The following TEX9 variants were observed in gnomAD, a reference collection of about 807,000 sequenced individuals.
TEX9 encodes the protein testis-expressed protein 9.
TEX9 carries 74 observed loss-of-function variants against 59.6 expected under a neutral mutation model. The ratio of observed to expected loss-of-function variants is 1.24; its 90% confidence interval spans 1.03 to 1.51. TEX9 has a LOEUF of 1.51. TEX9 is among the 40% of genes most tolerant of loss of function. TEX9 has a pLI of 0.00. For synonymous variants in TEX9, 186 were observed against 152.2 expected, an observed-to-expected ratio of 1.22 and a Z score of -1.64; for missense variants, 522 against 447.8, an observed-to-expected ratio of 1.17 and a Z score of -1.49.
intron 1 of TEX9, among the ~76,000 whole-genome samples, chr15:56,307,716 T>C (rs1358334009): frequency 1.3e-5 from 2 of 152,200 alleles, no homozygotes; most frequent in Non-Finnish European, 1.5e-5. Flanking sequence ...AACCTCATAC[T>C]CATTAGCATA....
intron 1 of TEX9, among the ~76,000 whole-genome samples, chr15:56,252,379 C>CTTTTTTTTTTTTT (rs3050136): frequency 5.0e-5 from 6 of 119,700 alleles, no homozygotes; most frequent in African/African-American, 1.6e-4. Flanking sequence ...TTAGAAAAAC[C>CTTTTTTTTTTTTT]TTTTTTTTTT....
intron 1 of TEX9, among the ~76,000 whole-genome samples, chr15:56,279,891 A>G (rs1315131075): frequency 6.6e-6 from 1 of 152,244 alleles, no homozygotes; most frequent in African/African-American, 2.4e-5. Flanking sequence ...GCTTTGACTT[A>G]CAAGTTTTCA....
At chr15:56,374,885 T>A (rs1460999638) in intron 3 of TEX9, among the ~76,000 whole-genome samples, 1 of 152,202 alleles carries the variant, frequency 6.6e-6, no homozygotes, top group African/African-American at 2.4e-5. Context: ...GGCCTCATTA[T>A]TTTTTATGGC....
chr15:56,314,493 G>C (rs1332289192), intron 1 of TEX9, among the ~76,000 whole-genome samples: 14 of 138,316 alleles, frequency 1.0e-4, no homozygotes, highest in African/African-American at 3.5e-4. Flanking sequence ...GTTCTAGTTT[G>C]ATTGCACTGT....
At chr15:56,408,644 C>G (rs1469517331) in intron 9 of TEX9, 1 of 141,526 alleles carries the variant, frequency 7.1e-6, no homozygotes, top group Non-Finnish European at 1.5e-5. Context: ...CAAACCTGCT[C>G]TCTTCCTTCT....
chr15:56,392,004 G>A (rs16976893), intron 7 of TEX9, among the ~76,000 whole-genome samples: 4,786 of 151,864 alleles, frequency 0.032, 195 homozygotes, highest in East Asian at 0.094. Flanking sequence ...AAATTTATGA[G>A]GAGCCTCCTA....
chr15:56,284,012 G>A lies in TEX9; in HGVS notation c.-107+39734G>A, dbSNP rs1342088826. Among the ~76,000 whole-genome samples the A allele has an allele frequency of 2.6e-5, 4 of 152,258 alleles. No individual in the cohort carries two copies. The Middle Eastern group carries it at 0.01, about 388-fold the overall frequency. On this transcript the variant is annotated intron_variant, in intron 1 of 5. Transcript: ENST00000560827. ...TGAATTAAACAGATTTTTAACAATC[G>A]ATAGTGCAATGTCTAATATTATTAA...
At chr15:56,249,479 G>A (rs1220319793) in intron 1 of TEX9, among the ~76,000 whole-genome samples, 1 of 151,522 alleles carries the variant, frequency 6.6e-6, no homozygotes, top group African/African-American at 2.4e-5. Context: ...AGAAAGGAGG[G>A]AGGGAGGGAA....
intron 1 of TEX9, among the ~76,000 whole-genome samples, chr15:56,299,232 G>T (rs1443805605): frequency 6.6e-6 from 1 of 152,236 alleles, no homozygotes; most frequent in Non-Finnish European, 1.5e-5. Context: ...GGAGAAGGGA[G>T]AGCATAGTGG....
At chr15:56,382,925 C>G (rs1171967397) in intron 3 of TEX9, among the ~76,000 whole-genome samples, 1 of 152,106 alleles carries the variant, frequency 6.6e-6, no homozygotes, top group Non-Finnish European at 1.5e-5. Flanking sequence ...CAGCCTAGTC[C>G]TCTGGCTCTG....
chr15:56,338,511 T>A (rs1205598880), intron 1 of TEX9, among the ~76,000 whole-genome samples: 8 of 152,206 alleles, frequency 5.3e-5, no homozygotes, highest in African/African-American at 1.9e-4. Context: ...CAGTGATCCC[T>A]TGTATAGTGG....
chr15:56,332,424 T>A (rs2046167883), intron 1 of TEX9, among the ~76,000 whole-genome samples: 1 of 138,840 alleles, frequency 7.2e-6, no homozygotes, highest in Non-Finnish European at 1.5e-5. Context: ...AACAATGAGA[T>A]CACATGGACA....
At chr15:56,330,176 A>G (rs1457828733) in intron 1 of TEX9, among the ~76,000 whole-genome samples, 2 of 152,186 alleles carry the variant, frequency 1.3e-5, no homozygotes, top group African/African-American at 4.8e-5. Flanking sequence ...TAATATATCC[A>G]GTGAAAATAT....
intron 12 of TEX9, among the ~76,000 whole-genome samples, chr15:56,438,688 A>G (rs894408319): frequency 9.2e-5 from 14 of 152,340 alleles, no homozygotes; most frequent in East Asian, 5.8e-4. Flanking sequence ...AAAAGAAACT[A>G]CCATCAGAGT....
At chr15:56,326,007 C>A (rs2682014) in intron 1 of TEX9, among the ~76,000 whole-genome samples, 74,718 of 151,598 alleles carry the variant, frequency 0.49, 19,813 homozygotes, top group Non-Finnish European at 0.6. Context: ...TTAGAAAGCA[C>A]AAATGGTTCT....
the TEX9 span, among the ~76,000 whole-genome samples, chr15:56,456,920 G>A: frequency 6.6e-6 from 1 of 151,910 alleles, no homozygotes; most frequent in South Asian, 2.1e-4. Flanking sequence ...TACCTGATCA[G>A]AATTTTTAAA....
At chr15:56,299,876 AT>A (rs1396656203) in intron 1 of TEX9, among the ~76,000 whole-genome samples, 1 of 152,154 alleles carries the variant, frequency 6.6e-6, no homozygotes, top group African/African-American at 2.4e-5. Context: ...TGGGCCCTGA[AT>A]AATCATCAGT....
chr15:56,259,658 C>A (rs991881786), intron 1 of TEX9, among the ~76,000 whole-genome samples: 7 of 151,962 alleles, frequency 4.6e-5, no homozygotes, highest in African/African-American at 1.7e-4. Context: ...GTAAGTTATG[C>A]TATCTGATAT....
intron 12 of TEX9, chr15:56,443,817 G>C: frequency 6.2e-7 from 1 of 1,605,454 alleles, no homozygotes; most frequent in Non-Finnish European, 8.5e-7. Flanking sequence ...ATATACCTTC[G>C]CATTGCATTC....
Sources: allele counts gnomAD v4.1 joint callset (sites outside exome capture counted in the v4.1 genomes callset), GRCh38; gene constraint gnomAD v4.1.1; transcripts MANE v1.5; gene names NCBI Gene and HGNC (gene_info 2026-07-23, HGNC 2026-07-21).